The following GAB2 variants were observed in gnomAD, a reference collection of about 807,000 sequenced individuals.
GAB2 encodes the protein GRB2 associated binding protein 2.
GAB2 carries 26 observed loss-of-function variants against 65.5 expected under a neutral mutation model. The observed-to-expected ratio is 0.40, with a 90% confidence interval of 0.29 to 0.55. The LOEUF is 0.55. GAB2 is among the 20% of genes least tolerant of loss of function. The pLI is 0.53. For synonymous variants in GAB2, 321 were observed against 329.6 expected (o/e 0.97, Z 0.28); for missense variants, 884 against 875.8 (o/e 1.01, Z -0.12).
At chr11:78,287,912 T>G (rs1866530808) in intron 1 of GAB2, among the ~76,000 whole-genome samples, 1 of 151,650 alleles carries the variant, frequency 6.6e-6, no homozygotes, top group Non-Finnish European at 1.5e-5. Flanking sequence ...CCTCCCAAAG[T>G]GCTGGGATTA....
chr11:78,238,827 A>C (rs1203904522), intron 3 of GAB2, among the ~76,000 whole-genome samples: 1 of 152,224 alleles, frequency 6.6e-6, no homozygotes, highest in Non-Finnish European at 1.5e-5. Context: ...AGAACATATC[A>C]GCAGAGTAAA....
chr11:78,375,436 C>T (rs1050862258), intron 1 of GAB2, among the ~76,000 whole-genome samples: 1 of 151,842 alleles, frequency 6.6e-6, no homozygotes, highest in Non-Finnish European at 1.5e-5. Flanking sequence ...TTTTCAGTGG[C>T]AAAGACATGG....
intron 1 of GAB2, among the ~76,000 whole-genome samples, chr11:78,300,805 C>T (rs953123349): frequency 2.0e-5 from 3 of 150,612 alleles, no homozygotes; most frequent in African/African-American, 7.3e-5. Context: ...AGCAATTCTC[C>T]AGCCTCAGCC....
At position 78,304,343 on chromosome 11, in the gene GAB2, A is replaced by AC. The variant is rs553352842; in HGVS notation, c.76-23443dup. 1.8e-3 allele frequency among the ~76,000 whole-genome samples: 270 copies of AC among 152,216 alleles called. 1 individual carries two copies. Among genetic ancestry groups the AC allele is most frequent in the African/African-American group, 5.9e-3 (245 of 41,516 alleles). The stretch of plus-strand genomic sequence containing the variant: ...GCATCACCCCAAAAAGCAATCCCAT[A>AC]CCCATTAGTCAATCTCCATCTTCCC... On this transcript the variant is annotated intron_variant, in intron 1 of 9. Transcript: ENST00000361507.
chr11:78,283,737 T>C (rs1157283683), intron 1 of GAB2, among the ~76,000 whole-genome samples: 1 of 152,150 alleles, frequency 6.6e-6, no homozygotes, highest in Non-Finnish European at 1.5e-5. Context: ...CCATCCTCTT[T>C]GAAACACTTT....
At chr11:78,409,628 G>C (rs902727782) in intron 1 of GAB2, among the ~76,000 whole-genome samples, 1 of 151,950 alleles carries the variant, frequency 6.6e-6, no homozygotes, top group Non-Finnish European at 1.5e-5. Flanking sequence ...AACAAAAACA[G>C]ATATAAGTGA....
intron 1 of GAB2, among the ~76,000 whole-genome samples, chr11:78,327,269 T>C (rs916508130): frequency 6.6e-6 from 1 of 152,224 alleles, no homozygotes; most frequent in African/African-American, 2.4e-5. Flanking sequence ...TAATTATCTT[T>C]GCATTTTAAT....
At chr11:78,326,054 T>C (rs1315436976) in intron 1 of GAB2, among the ~76,000 whole-genome samples, 1 of 152,238 alleles carries the variant, frequency 6.6e-6, no homozygotes, top group Non-Finnish European at 1.5e-5. Flanking sequence ...ATTTCACAGA[T>C]ATTTTATGGA....
intron 1 of GAB2, among the ~76,000 whole-genome samples, chr11:78,398,021 T>TACACACACACACACACACACACACAC (rs1554999817): frequency 0.021 from 2,326 of 112,416 alleles, 68 homozygotes; most frequent in African/African-American, 0.069. Context: ...TGTGAATAGC[T>TACACACACACACACACACACACACAC]ACACACACAC....
intron 1 of GAB2, among the ~76,000 whole-genome samples, chr11:78,398,403 G>C (rs954152278): frequency 2.0e-5 from 3 of 152,090 alleles, no homozygotes; most frequent in African/African-American, 7.2e-5. Context: ...ACACAGGTGT[G>C]GTACATTCAC....
At chr11:78,372,603 G>C (rs1432155402) in intron 1 of GAB2, among the ~76,000 whole-genome samples, 6 of 152,190 alleles carry the variant, frequency 3.9e-5, no homozygotes, top group Non-Finnish European at 5.9e-5. Flanking sequence ...TTAAAATAGA[G>C]AGGCATGGTA....
chr11:78,315,784 T>C (rs1444148318), intron 1 of GAB2, among the ~76,000 whole-genome samples: 3 of 152,192 alleles, frequency 2.0e-5, no homozygotes, highest in South Asian at 2.1e-4. Flanking sequence ...GGATTTGTGA[T>C]GGTTAATATT....
At chr11:78,235,498 A>G (rs1864958324) in intron 3 of GAB2, among the ~76,000 whole-genome samples, 1 of 152,066 alleles carries the variant, frequency 6.6e-6, no homozygotes. Flanking sequence ...TTTTCCGAAC[A>G]TTTATGCTCT....
intron 1 of GAB2, among the ~76,000 whole-genome samples, chr11:78,367,262 A>C (rs1856509231): frequency 6.6e-6 from 1 of 152,232 alleles, no homozygotes; most frequent in Non-Finnish European, 1.5e-5. Flanking sequence ...CATGAGAAAA[A>C]AGCAATGAAC....
At chr11:78,224,433 G>T (rs756401152) in intron 5 of GAB2, among the ~76,000 whole-genome samples, 2 of 152,140 alleles carry the variant, frequency 1.3e-5, no homozygotes, top group Non-Finnish European at 2.9e-5. Context: ...CCCAGTCCAG[G>T]TTTCTAAGTA....
chr11:78,252,301 C>A (rs1865477650), intron 2 of GAB2, among the ~76,000 whole-genome samples: 1 of 152,214 alleles, frequency 6.6e-6, no homozygotes, highest in South Asian at 2.1e-4. Flanking sequence ...GCTGTATTGA[C>A]CCCCAAAATT....
At chr11:78,407,459 T>C (rs1857059666) in intron 1 of GAB2, among the ~76,000 whole-genome samples, 1 of 151,824 alleles carries the variant, frequency 6.6e-6, no homozygotes, top group Non-Finnish European at 1.5e-5. Flanking sequence ...AGTGAAACCC[T>C]GTCTCTACCA....
rs1175391520 is a variant in GAB2 at position 78,220,299 on chromosome 11, C to T, written c.1887+20G>A. ...GGACCCTGAGAGCTCTTACTGCCCC[C>T]CCAACTCTACTCCAGGCACCTTGCG... On this transcript the variant is annotated intron_variant, in intron 9 of 9. Coordinates refer to ENST00000361507, the MANE Select transcript of GAB2 (RefSeq NM_080491.3). The T allele has an allele frequency of 7.4e-6, 12 of 1,611,564 alleles. No homozygotes were observed. The highest frequency in any genetic ancestry group is 2.2e-4 in the Middle Eastern group (1 of 4,638).
At chr11:78,314,302 C>T (rs758443421) in intron 1 of GAB2, among the ~76,000 whole-genome samples, 35 of 152,232 alleles carry the variant, frequency 2.3e-4, no homozygotes, top group Non-Finnish European at 4.0e-4. Flanking sequence ...TATAGACAGA[C>T]AGACAATAGC....
Sources: gnomAD v4.1 joint callset for allele counts (sites outside exome capture counted in the v4.1 genomes callset) on GRCh38, gnomAD v4.1.1 for gene constraint, MANE v1.5 for transcripts, NCBI Gene and HGNC (gene_info 2026-07-23, HGNC 2026-07-21) for gene names.